The following ERC2 variants were observed in gnomAD, a reference collection of about 807,000 sequenced individuals.
The protein encoded by ERC2 is ERC protein 2.
ERC2 carries 42 observed loss-of-function variants against 114.8 expected under a neutral mutation model. The ratio of observed to expected loss-of-function variants is 0.37; its 90% CI spans 0.29 to 0.47. ERC2 has a LOEUF of 0.47. Ranked by LOEUF, ERC2 falls within the 20% of genes least tolerant of loss-of-function variation. ERC2 has a pLI of 0.99. For missense variants in ERC2, 939 were observed against 1,150.7 expected, an observed-to-expected ratio of 0.82 and a Z score of 2.66; for synonymous variants, 454 against 425.5, an observed-to-expected ratio of 1.07 and a Z score of -0.82.
rs1559539219 is a variant in ERC2 at position 55,714,694 on chromosome 3, T to TATATAC, written c.2713-15183_2713-15182insGTATAT. On this transcript the variant is annotated intron_variant, in intron 15 of 17. Transcript: ENST00000288221. ...ATATATATATATATATATATATATA[T>TATATAC]ATATATATATATATATATATGAAAA... Among the ~76,000 whole-genome samples, 185 of 119,634 alleles carry TATATAC rather than the reference T, an allele frequency of 1.5e-3. 2 individuals carry two copies. The highest frequency in any genetic ancestry group is 5.9e-3 in the African/African-American group (171 of 28,952). 78.5% of individuals were successfully genotyped at this position (119,634 alleles called of 152,430 possible).
At chr3:56,172,705 T>A (rs2082740092) in intron 4 of ERC2, among the ~76,000 whole-genome samples, 2 of 152,212 alleles carry the variant, frequency 1.3e-5, no homozygotes, top group African/African-American at 2.4e-5. Flanking sequence ...ACTATTTGCA[T>A]CCTTCTGGCA....
At chr3:55,952,264 T>C (rs745643338) in intron 12 of ERC2, among the ~76,000 whole-genome samples, 13 of 149,782 alleles carry the variant, frequency 8.7e-5, no homozygotes, top group Non-Finnish European at 1.8e-4. Flanking sequence ...ACTGAAGCCA[T>C]GATTTAAATA....
intron 15 of ERC2, among the ~76,000 whole-genome samples, chr3:55,721,438 T>C (rs144209343): frequency 6.6e-6 from 1 of 152,392 alleles, no homozygotes; most frequent in East Asian, 1.9e-4. Flanking sequence ...TCAAAGGCCT[T>C]GTCATAGATC....
At chr3:56,325,081 T>G (rs760252292) in intron 2 of ERC2, among the ~76,000 whole-genome samples, 5 of 151,958 alleles carry the variant, frequency 3.3e-5, no homozygotes, top group Non-Finnish European at 7.4e-5. Context: ...CTATCTACCT[T>G]TAATTTGTGT....
At chr3:56,157,109 T>C (rs1467777396) in intron 4 of ERC2, among the ~76,000 whole-genome samples, 1 of 152,138 alleles carries the variant, frequency 6.6e-6, no homozygotes, top group Non-Finnish European at 1.5e-5. Context: ...GGTTTCCCCC[T>C]GGGTAAACTG....
At chr3:56,101,983 T>C (rs1381996610) in intron 6 of ERC2, among the ~76,000 whole-genome samples, 1 of 152,204 alleles carries the variant, frequency 6.6e-6, no homozygotes, top group Non-Finnish European at 1.5e-5. Flanking sequence ...TGGGCTACCT[T>C]TGAGAATTAG....
At chr3:56,095,932 G>A (rs576820994) in intron 6 of ERC2, among the ~76,000 whole-genome samples, 43 of 152,188 alleles carry the variant, frequency 2.8e-4, no homozygotes, top group Admixed American at 4.6e-4. Context: ...GCTGCAAGTC[G>A]GAGCTCTTGA....
intron 6 of ERC2, among the ~76,000 whole-genome samples, chr3:56,083,048 G>A (rs916011495): frequency 7.9e-5 from 12 of 152,162 alleles, no homozygotes; most frequent in African/African-American, 2.4e-4. Context: ...CAAAAAGGTT[G>A]GGGACTGCTG....
At chr3:56,413,717 C>T (rs1426256038) in intron 2 of ERC2, among the ~76,000 whole-genome samples, 1 of 152,184 alleles carries the variant, frequency 6.6e-6, no homozygotes, top group Non-Finnish European at 1.5e-5. Flanking sequence ...AAGAATAATG[C>T]TCATTGCACA....
chr3:56,398,851 T>C (rs2060414937), intron 2 of ERC2, among the ~76,000 whole-genome samples: 1 of 152,188 alleles, frequency 6.6e-6, no homozygotes, highest in African/African-American at 2.4e-5. Context: ...ACTCTTAGCC[T>C]CAGGCAATCC....
At chr3:55,952,163 ACACACACACACACACACTCTCTCTCTCT>A (rs2067579243) in intron 12 of ERC2, among the ~76,000 whole-genome samples, 2 of 73,536 alleles carry the variant, frequency 2.7e-5, no homozygotes, top group Admixed American at 1.7e-4. Context: ...ACACACACAC[ACACACACACACACACACTCTCTCTCTCT>A]CTCTCTCTAT....
chr3:56,334,651 CCTGATAAACT>C (rs1265337505), intron 2 of ERC2, among the ~76,000 whole-genome samples: 2 of 152,126 alleles, frequency 1.3e-5, no homozygotes, highest in African/African-American at 4.8e-5. Flanking sequence ...CAAGACCATG[CCTGATAAACT>C]TACTTATCAG....
At chr3:56,295,962 A>G in intron 3 of ERC2, 57 bp downstream of exon 3, 3 of 1,483,420 alleles carry the variant, frequency 2.0e-6, no homozygotes, top group Non-Finnish European at 2.7e-6. Flanking sequence ...AAATAACTTG[A>G]TAACATATTT....
At chr3:55,521,333 C>A (rs1483611220) in intron 17 of ERC2, among the ~76,000 whole-genome samples, 2 of 152,220 alleles carry the variant, frequency 1.3e-5, no homozygotes, top group Non-Finnish European at 2.9e-5. Flanking sequence ...GCAATTTAAC[C>A]TCTTCACCGC....
At chr3:55,766,218 G>A (rs1256043537) in intron 14 of ERC2, among the ~76,000 whole-genome samples, 1 of 151,198 alleles carries the variant, frequency 6.6e-6, no homozygotes, top group East Asian at 1.9e-4. Flanking sequence ...CATTTGGAGA[G>A]GGGGCATCTG....
chr3:55,612,997 G>A (rs1403177302), intron 17 of ERC2: 1 of 152,234 alleles, frequency 6.6e-6, no homozygotes, highest in African/African-American at 2.4e-5. Flanking sequence ...GTAACTGGAT[G>A]TCCTGTATTT....
chr3:55,908,442 T>G (rs2064597461), intron 13 of ERC2, among the ~76,000 whole-genome samples: 2 of 151,984 alleles, frequency 1.3e-5, no homozygotes, highest in South Asian at 2.1e-4. Context: ...CAGGAAATGT[T>G]CAGAAAGCAG....
At chr3:56,128,390 T>C (rs2080010530) in intron 6 of ERC2, among the ~76,000 whole-genome samples, 1 of 152,176 alleles carries the variant, frequency 6.6e-6, no homozygotes, top group South Asian at 2.1e-4. Context: ...GTAGGCAATT[T>C]AAAACTGACG....
At chr3:55,973,555 C>T (rs1377432526) in intron 12 of ERC2, among the ~76,000 whole-genome samples, 1 of 152,110 alleles carries the variant, frequency 6.6e-6, no homozygotes, top group East Asian at 1.9e-4. Context: ...TCCCACATGC[C>T]CCTTGCTCTT....
Sources: allele counts gnomAD v4.1 joint callset (sites outside exome capture counted in the v4.1 genomes callset), GRCh38; gene constraint gnomAD v4.1.1; transcripts MANE v1.5; gene names NCBI Gene and HGNC (gene_info 2026-07-23, HGNC 2026-07-21).